The following CBLB variants were observed in gnomAD, a reference collection of about 807,000 sequenced individuals.
The protein encoded by CBLB is E3 ubiquitin-protein ligase CBL-B.
A neutral mutation model predicts 104.9 loss-of-function variants in CBLB; 31 were observed. The observed-to-expected ratio is 0.30, with a 90% CI of 0.22 to 0.40. The LOEUF (loss-of-function observed/expected upper bound fraction) is 0.40, where lower values mean the gene tolerates loss of function less well. Among genes scored for constraint, CBLB ranks in the 10% least tolerant of loss-of-function variants. The pLI is 1.00. For missense variants in CBLB, 1,062 were observed against 1,214.6 expected (o/e 0.87, Z 1.87); for synonymous variants, 440 against 422.6 (o/e 1.04, Z -0.51).
At position 105,681,626 on chromosome 3, in the gene CBLB, A is replaced by G. The variant is rs749528785; in HGVS notation, c.2297-16T>C. 1 of 1,613,976 alleles carries G rather than the reference A, an allele frequency of 6.2e-7. No individual in the cohort carries two copies. The highest frequency in any genetic ancestry group is 1.7e-5 in the Admixed American group (1 of 60,022). ...AAAACATCTCCTAGAGGATAACACA[A>G]AACCTTAATGTATTTTCAGTACAAT... On this transcript the variant is annotated splice_polypyrimidine_tract_variant and intron_variant, in intron 15 of 18. Coordinates refer to ENST00000394030, the MANE Select transcript of CBLB (RefSeq NM_170662.5).
At chr3:105,844,482 G>A (rs1334572720) in intron 3 of CBLB, among the ~76,000 whole-genome samples, 1 of 152,172 alleles carries the variant, frequency 6.6e-6, no homozygotes, top group African/African-American at 2.4e-5. Context: ...CTGAACAACA[G>A]AGCCTCAATC....
chr3:105,808,590 C>T (rs1577380604), intron 3 of CBLB, among the ~76,000 whole-genome samples: 1 of 152,058 alleles, frequency 6.6e-6, no homozygotes, highest in African/African-American at 2.4e-5. Context: ...TTTTGTTTTG[C>T]AAATGGTAAA....
At chr3:105,737,092 C>G in intron 8 of CBLB, 79 bp downstream of exon 8, 1 of 645,274 alleles carries the variant, frequency 1.5e-6, no homozygotes, top group Non-Finnish European at 2.7e-6. Context: ...ATGATTTTAA[C>G]TACACTAAGA....
At chr3:105,827,544 G>C (rs1230414710) in intron 3 of CBLB, among the ~76,000 whole-genome samples, 2 of 152,048 alleles carry the variant, frequency 1.3e-5, no homozygotes, top group Non-Finnish European at 2.9e-5. Flanking sequence ...TCTCTGTTAA[G>C]GTCCTTAAAC....
chr3:105,702,806 A>G (rs546315760), intron 11 of CBLB, among the ~76,000 whole-genome samples: 1 of 152,314 alleles, frequency 6.6e-6, no homozygotes, highest in African/African-American at 2.4e-5. Context: ...GCACATCTCT[A>G]TGATTTAGGA....
At chr3:105,747,383 A>G (rs999213416) in intron 5 of CBLB, among the ~76,000 whole-genome samples, 2 of 152,232 alleles carry the variant, frequency 1.3e-5, no homozygotes, top group Admixed American at 1.3e-4. Flanking sequence ...ATTATTGTTA[A>G]GCAAGTTACA....
At chr3:105,816,303 A>T (rs2085052929) in intron 3 of CBLB, among the ~76,000 whole-genome samples, 1 of 152,178 alleles carries the variant, frequency 6.6e-6, no homozygotes, top group Admixed American at 6.5e-5. Flanking sequence ...TGCCCTTATT[A>T]ATTTTAAAAA....
chr3:105,815,883 A>C (rs1436735823), intron 3 of CBLB, among the ~76,000 whole-genome samples: 1 of 152,238 alleles, frequency 6.6e-6, no homozygotes, highest in East Asian at 1.9e-4. Flanking sequence ...GAATGAGTTC[A>C]TGTCCTTTGC....
intron 3 of CBLB, among the ~76,000 whole-genome samples, chr3:105,790,067 T>TA: frequency 6.6e-6 from 1 of 152,336 alleles, no homozygotes; most frequent in East Asian, 1.9e-4. Flanking sequence ...TTGCAGGACT[T>TA]AATCTATATG....
At position 105,658,695 on chromosome 3, in the gene CBLB, C is replaced by T; in HGVS notation, c.*275G>A. On this transcript the variant is annotated 3_prime_UTR_variant, in exon 19 of 19. Coordinates refer to ENST00000394030, the MANE Select transcript of CBLB (RefSeq NM_170662.5). ...ACTGTAAACAAGGTAAAGCATTTCA[C>T]AGGTTCAAAGTTCAAGGGAAGTAAA... 4.0e-6 allele frequency: 2 copies of T among 494,828 alleles called. No homozygotes were observed. Among genetic ancestry groups the T allele is most frequent in the Non-Finnish European group, 7.2e-6 (2 of 276,186 alleles). 30.7% of individuals were successfully genotyped at this position (494,828 alleles called of 1,614,324 possible).
chr3:105,859,034 T>C (rs1032425726), intron 2 of CBLB, among the ~76,000 whole-genome samples: 2 of 152,212 alleles, frequency 1.3e-5, no homozygotes, highest in Non-Finnish European at 2.9e-5. Flanking sequence ...ACTAATGCTA[T>C]AAGAATTTTC....
chr3:105,656,158 G>A lies in CBLB; in HGVS notation c.*2812C>T, dbSNP rs1428330687. 2 of 219,856 alleles carry A rather than the reference G, an allele frequency of 9.1e-6. No individual in the cohort carries two copies. Among genetic ancestry groups the A allele is most frequent in the African/African-American group, 4.5e-5 (2 of 44,596 alleles). 13.6% of individuals were successfully genotyped at this position (219,856 alleles called of 1,614,324 possible). ...AACAGATTATGGAGATAAATTTACT[G>A]GAATATAATTGAGGATAAGTCCTTC... On this transcript the variant is annotated 3_prime_UTR_variant, in exon 19 of 19. Coordinates refer to ENST00000394030, the MANE Select transcript of CBLB (RefSeq NM_170662.5).
intron 18 of CBLB, 45 bp downstream of exon 18, chr3:105,670,188 T>C (rs2064914300): frequency 1.3e-6 from 2 of 1,565,952 alleles, no homozygotes; most frequent in Non-Finnish European, 8.8e-7. Flanking sequence ...CAAAAAGCAC[T>C]ATATAACAAT....
chr3:105,768,246 C>G (rs1320557603), intron 4 of CBLB, among the ~76,000 whole-genome samples: 2 of 151,920 alleles, frequency 1.3e-5, no homozygotes, highest in African/African-American at 2.4e-5. Flanking sequence ...AGTAATAACA[C>G]TAATGGGAAA....
intron 9 of CBLB, among the ~76,000 whole-genome samples, chr3:105,721,220 G>T (rs773067045): frequency 3.9e-5 from 6 of 152,132 alleles, no homozygotes; most frequent in Non-Finnish European, 5.9e-5. Context: ...CATTTCAGTG[G>T]CAAGACAAGG....
intron 6 of CBLB, among the ~76,000 whole-genome samples, chr3:105,744,878 A>T (rs1323535361): frequency 6.6e-6 from 1 of 152,138 alleles, no homozygotes; most frequent in African/African-American, 2.4e-5. Flanking sequence ...TGCAGTGAAC[A>T]GAGATTGTGC....
chr3:105,845,533 C>T (rs1421845430), intron 3 of CBLB, among the ~76,000 whole-genome samples: 1 of 151,438 alleles, frequency 6.6e-6, no homozygotes, highest in Non-Finnish European at 1.5e-5. Context: ...GTAAAATATA[C>T]CCTAGAGAGG....
chr3:105,791,035 G>A (rs2081572280), intron 3 of CBLB, among the ~76,000 whole-genome samples: 1 of 152,086 alleles, frequency 6.6e-6, no homozygotes, highest in South Asian at 2.1e-4. Context: ...TCAATAATAC[G>A]TTATCACCAG....
intron 4 of CBLB, among the ~76,000 whole-genome samples, chr3:105,758,102 T>C (rs1366578170): frequency 6.6e-6 from 1 of 152,192 alleles, no homozygotes; most frequent in Non-Finnish European, 1.5e-5. Context: ...AACCTTCTTT[T>C]ATCATGACTC....
Sources: gnomAD v4.1 joint callset for allele counts (sites outside exome capture counted in the v4.1 genomes callset) on GRCh38, gnomAD v4.1.1 for gene constraint, MANE v1.5 for transcripts, NCBI Gene and HGNC (gene_info 2026-07-23, HGNC 2026-07-21) for gene names.